GFRA3: variants seen among roughly 807,000 people sequenced by gnomAD.
The protein encoded by GFRA3 is GDNF family receptor alpha 3, also known as GDNF family receptor alpha-3.
GFRA3 carries 24 observed loss-of-function variants against 40.0 expected under a neutral mutation model. The ratio of observed to expected loss-of-function variants is 0.60; its 90% confidence interval spans 0.43 to 0.84. GFRA3 has a LOEUF of 0.84. Ranked by LOEUF, GFRA3 falls within the 40% of genes least tolerant of loss-of-function variation. The pLI, the probability that GFRA3 is intolerant of heterozygous loss-of-function variation, is 0.00. For synonymous variants in GFRA3, 203 were observed against 213.5 expected (o/e 0.95, Z 0.43); for missense variants, 405 against 530.6 (o/e 0.76, Z 2.33).
chr5:138,253,027 A>C lies in GFRA3; in HGVS notation c.1144T>G (p.Trp382Gly), dbSNP rs756756918. The stretch of plus-strand genomic sequence containing the variant: ...GTGCAGGAGAAAAGAGAGGGCACCC[A>C]GGGCTGTGGCCTCACAGCAGGGTTT... The part of the protein sequence containing the change: ...NENPAVRPQP[W>G]VPSLFSCTLP... Residue 382 changes from tryptophan (W) to glycine (G), a missense_variant, in exon 8 of 8, where the codon TGG becomes GGG. Trp to Gly is a radical substitution (Grantham distance 184, BLOSUM62 -2). Transcript: ENST00000274721. 1.2e-6 allele frequency: 2 copies of C among 1,606,898 alleles called. No individual in the cohort carries two copies. The highest frequency in any genetic ancestry group is 1.7e-6 in the Non-Finnish European group (2 of 1,173,658).
chr5:138,252,838 A>C lies in GFRA3; in HGVS notation c.*130T>G, dbSNP rs1755567468. The C allele has an allele frequency of 8.3e-6, 5 of 602,282 alleles. No homozygotes were observed. Among genetic ancestry groups the C allele is most frequent in the Non-Finnish European group, 1.5e-5 (5 of 328,664 alleles). 37.3% of individuals were successfully genotyped at this position (602,282 alleles called of 1,614,324 possible). A position where few individuals can be genotyped will look rare whatever the true frequency, so the allele number is the denominator to read the frequency against. ...GACCAGTAAGGATCTGGAGGTCATAACCCTTAGCTTCTCCTGTGCCCTCAT... is the reference window on the plus strand; with the variant it reads ...GACCAGTAAGGATCTGGAGGTCATACCCCTTAGCTTCTCCTGTGCCCTCAT... On this transcript the variant is annotated 3_prime_UTR_variant, in exon 8 of 8. Coordinates refer to ENST00000274721, the MANE Select transcript of GFRA3 (RefSeq NM_001496.4).
intron 4 of GFRA3, among the ~76,000 whole-genome samples, chr5:138,257,270 A>G (rs1755645428): frequency 6.6e-6 from 1 of 152,198 alleles, no homozygotes; most frequent in South Asian, 2.1e-4. Flanking sequence ...CTCATGAGAC[A>G]TGTGCCGTAA....
rs949701483 is a variant in GFRA3, at chr5:138,254,452, G to A, written c.786-292C>T. ...TCCACCTGCCTTGGCCTCTCAAAGT[G>A]CTGGGATTACAGGTATGAGCCACTG... On this transcript the variant is annotated intron_variant, in intron 4 of 7. Transcript: ENST00000274721. Among the ~76,000 whole-genome samples, 201 of 152,160 alleles carry A rather than the reference G, an allele frequency of 1.3e-3. 1 individual carries two copies. Among genetic ancestry groups the A allele is most frequent in the African/African-American group, 4.4e-3 (184 of 41,544 alleles).
chr5:138,263,612 G>A (rs1190184767), intron 2 of GFRA3, among the ~76,000 whole-genome samples: 2 of 152,162 alleles, frequency 1.3e-5, no homozygotes, highest in Non-Finnish European at 2.9e-5. Flanking sequence ...CTTCTGCCAC[G>A]AGAAGGGAAC....
Position 138,264,487 on chromosome 5 carries a change from G to A in GFRA3, c.153C>T (p.Cys51=). Reference sequence around the variant, plus strand: ...CAGCACTGCAGGTGGGATCAGCCTGGCACTTCCTCCTGGCCTGGAGACAGC... The same window carrying A: ...CAGCACTGCAGGTGGGATCAGCCTGACACTTCCTCCTGGCCTGGAGACAGC... The part of the protein sequence containing the change: ...MNSCLQARRK[C]QADPTCSAAY... The change falls in exon 2 of 8, where the codon TGC becomes TGT. Residue 51 remains cysteine, a synonymous_variant. Transcript: ENST00000274721. 1.2e-6 allele frequency: 2 copies of A among 1,613,196 alleles called. No individual in the cohort carries two copies. The highest frequency in any genetic ancestry group is 1.7e-6 in the Non-Finnish European group (2 of 1,179,246).
Position 138,274,385 on chromosome 5 carries a change from CT to C in GFRA3, c.39del (p.Val14SerfsTer2). On this transcript the variant is annotated frameshift_variant, in exon 1 of 8. Transcript: ENST00000274721. LOFTEE classifies it high-confidence loss of function. ...GGCAGCAGCAGCAGCAACATCAGGA[CT>C]ACGGGCGGCAGCGGTCGCGGGTTCA... ...RPLNPRPLPP[V>X]VLMLLLLLPP... is the part of the protein sequence containing the mutation. The C allele has an allele frequency of 7.5e-7, 1 of 1,326,640 alleles. No individual in the cohort carries two copies. Among genetic ancestry groups the C allele is most frequent in the Non-Finnish European group, 9.7e-7 (1 of 1,034,770 alleles). The allele number at this position is 1,326,640 out of a possible 1,614,324, so 82.2% of individuals were successfully genotyped here. A position where few individuals can be genotyped will look rare whatever the true frequency, so the allele number is the denominator to read the frequency against.
chr5:138,266,760 C>A (rs1031128224), intron 1 of GFRA3, among the ~76,000 whole-genome samples: 1 of 151,808 alleles, frequency 6.6e-6, no homozygotes, highest in African/African-American at 2.4e-5. Context: ...TGCAACCTTG[C>A]AACCTCTGCC....
At chr5:138,259,733 A>G (rs1370210603) in intron 2 of GFRA3, 84 bp from the exon 3 acceptor site, 3 of 774,294 alleles carry the variant, frequency 3.9e-6, no homozygotes, top group Non-Finnish European at 7.2e-6. Context: ...CTCAGACCTC[A>G]AAGGCCTGTG....
chr5:138,270,371 CAAAA>C (rs776243779), intron 1 of GFRA3, among the ~76,000 whole-genome samples: 2 of 76,420 alleles, frequency 2.6e-5, no homozygotes, highest in Non-Finnish European at 2.6e-5. Flanking sequence ...GACTCCGTCT[CAAAA>C]AAAAAAAAAA....
intron 1 of GFRA3, among the ~76,000 whole-genome samples, chr5:138,273,124 T>G (rs1755900778): frequency 6.6e-6 from 1 of 152,194 alleles, no homozygotes; most frequent in Admixed American, 6.5e-5. Flanking sequence ...TTTCAGTACA[T>G]GACACCACTT....
chr5:138,264,327 G>A lies in GFRA3; in HGVS notation c.313C>T (p.Arg105Trp), dbSNP rs749890292. Reference protein sequence around the residue: ...NSSLIGCMCHRRMKNQVACLD... With the variant: ...NSSLIGCMCHWRMKNQVACLD... ...CAGGCAACCTGGTTCTTCATGCGCC[G>A]GTGGCACATGCAGCCTATCAGAGAG... Residue 105 changes from arginine to tryptophan, a missense_variant, in exon 2 of 8, where the codon CGG (arginine) becomes TGG (tryptophan). Transcript: ENST00000274721. 1.4e-5 allele frequency: 22 copies of A among 1,612,784 alleles called. No homozygotes were observed. Among genetic ancestry groups the A allele is most frequent in the African/African-American group, 2.7e-5 (2 of 74,918 alleles).
intron 2 of GFRA3, among the ~76,000 whole-genome samples, chr5:138,262,729 C>A (rs778489521): frequency 6.6e-6 from 1 of 152,016 alleles, no homozygotes; most frequent in African/African-American, 2.4e-5. Context: ...GCTGAAGTTA[C>A]AGGTGTGAGC....
In GFRA3 at chr5:138,254,259, C is replaced by T. The variant is rs1287356168; in HGVS notation, c.786-99G>A. 5.4e-5 allele frequency: 38 copies of T among 709,256 alleles called. No individual in the cohort carries two copies. The East Asian group carries it at 9.9e-4, about 19-fold the overall frequency. The allele number at this position is 709,256 out of a possible 1,614,324, so 43.9% of individuals were successfully genotyped here. ...CTGGAGTGCAGTAGCTCAATCTTGG[C>T]TCACTGCAACCTCTGCCTCCCAGGT... On this transcript the variant is annotated intron_variant, in intron 4 of 7. Transcript: ENST00000274721.
chr5:138,266,695 T>A (rs1259476531), intron 1 of GFRA3, among the ~76,000 whole-genome samples: 1 of 151,662 alleles, frequency 6.6e-6, no homozygotes, highest in Admixed American at 6.6e-5. Context: ...TCTTTTCTTT[T>A]CTTTTTTTTT....
intron 4 of GFRA3, among the ~76,000 whole-genome samples, chr5:138,256,527 C>CA (rs34134253): frequency 0.24 from 26,983 of 114,772 alleles, 3,336 homozygotes; most frequent in South Asian, 0.4. Flanking sequence ...GACTCCATCT[C>CA]AAAAAAAACA....
In GFRA3 at chr5:138,253,920, A is replaced by T; in HGVS notation, c.890-20T>A. Reference sequence around the variant, plus strand: ...CAGTCCCTGTGAAGAGGGAAAGGGTAGTCAAGGCCTAGGCTAACCCTAACT... The same window carrying T: ...CAGTCCCTGTGAAGAGGGAAAGGGTTGTCAAGGCCTAGGCTAACCCTAACT... On this transcript the variant is annotated intron_variant, in intron 5 of 7. Transcript: ENST00000274721. 2 of 1,611,640 alleles carry T rather than the reference A, an allele frequency of 1.2e-6. No homozygotes were observed. Among genetic ancestry groups the T allele is most frequent in the South Asian group, 2.2e-5 (2 of 91,012 alleles).
intron 1 of GFRA3, among the ~76,000 whole-genome samples, chr5:138,265,897 C>T (rs1362709000): frequency 3.3e-5 from 5 of 151,898 alleles, no homozygotes; most frequent in Admixed American, 6.6e-5. Context: ...GTTTTCATCA[C>T]GTTGGCCAGA....
At chr5:138,271,913 T>TTTTTTTTTTTTTG (rs59830655) in intron 1 of GFRA3, among the ~76,000 whole-genome samples, 2 of 54,328 alleles carry the variant, frequency 3.7e-5, no homozygotes, top group African/African-American at 7.0e-5. Flanking sequence ...TTTTTTTTTT[T>TTTTTTTTTTTTTG]TGTGTGTGTG....
Position 138,257,780 on chromosome 5 carries a change from A to G in GFRA3, c.644T>C (p.Leu215Pro). ...GTTGGGGGCACATGGGCACAGTAGCAGGCCCTGCGCGTGGGGCTCGGCGGC... is the reference window on the plus strand; with the variant it reads ...GTTGGGGGCACATGGGCACAGTAGCGGGCCCTGCGCGTGGGGCTCGGCGGC... ...EKAAEPHAQGLLLCPCAPNDR... is the reference protein window; with the variant it reads ...EKAAEPHAQGPLLCPCAPNDR... The change falls in exon 4 of 8, where the codon CTG (leucine) becomes CCG (proline). Residue 215 changes from leucine (L) to proline (P), a missense_variant. Coordinates refer to ENST00000274721, the MANE Select transcript of GFRA3 (RefSeq NM_001496.4). The G allele has an allele frequency of 1.2e-6, 2 of 1,612,484 alleles. No homozygotes were observed. Among genetic ancestry groups the G allele is most frequent in the Non-Finnish European group, 1.7e-6 (2 of 1,179,190 alleles).
Sources: allele counts gnomAD v4.1 joint callset (sites outside exome capture counted in the v4.1 genomes callset), GRCh38; gene constraint gnomAD v4.1.1; transcripts MANE v1.5; gene names NCBI Gene and HGNC (gene_info 2026-07-23, HGNC 2026-07-21).